The following SIPA1L2 variants were observed in gnomAD, a reference collection of about 807,000 sequenced individuals.
SIPA1L2 encodes the protein signal induced proliferation associated 1 like 2, also known as signal-induced proliferation-associated 1-like protein 2.
In SIPA1L2, 56 loss-of-function variants were observed where a neutral mutation model predicts 163.9. The ratio of observed to expected loss-of-function variants is 0.34; its 90% CI spans 0.28 to 0.43. SIPA1L2 has a LOEUF of 0.43. Ranked by LOEUF, SIPA1L2 falls within the 20% of genes least tolerant of loss-of-function variation. The pLI, the probability that SIPA1L2 is intolerant of heterozygous loss-of-function variation, is 1.00. For missense variants in SIPA1L2, 1,974 were observed against 2,193.5 expected, an observed-to-expected ratio of 0.90 and a Z score of 2.00; for synonymous variants, 877 against 865.7, an observed-to-expected ratio of 1.01 and a Z score of -0.23.
rs367748534 is a variant in SIPA1L2, at chr1:232,514,228, G to A, written c.1112C>T (p.Thr371Met). Residue 371 changes from threonine (T) to methionine (M), a missense_variant, in exon 3 of 23, where the codon ACG (threonine) becomes ATG (methionine). By Grantham distance (81) the Thr-to-Met change is moderately conservative (BLOSUM62 -1). Coordinates refer to ENST00000674635, the MANE Select transcript of SIPA1L2 (RefSeq NM_020808.5). ...ASAASQTQMP[T>M]GQTGNCESPL... ...GGACTCACAGTTGCCTGTCTGGCCC[G>A]TAGGCATCTGAGTCTGGGATGCTGC... 1.2e-4 allele frequency: 190 copies of A among 1,614,074 alleles called. 1 individual carries two copies. The highest frequency in any genetic ancestry group is 3.8e-4 in the South Asian group (35 of 91,084).
intron 1 of SIPA1L2, among the ~76,000 whole-genome samples, chr1:232,599,844 T>C (rs181806235): frequency 6.6e-6 from 1 of 152,356 alleles, no homozygotes; most frequent in African/African-American, 2.4e-5. Context: ...AAGTGCATGC[T>C]CGAAAGTATT....
intron 3 of SIPA1L2, among the ~76,000 whole-genome samples, chr1:232,499,436 T>C (rs1666355417): frequency 6.6e-6 from 1 of 152,182 alleles, no homozygotes; most frequent in Admixed American, 6.5e-5. Context: ...CAAAAGCAGT[T>C]ACAACACTCC....
At chr1:232,521,778 C>A (rs76120370) in intron 2 of SIPA1L2, among the ~76,000 whole-genome samples, 2,315 of 152,284 alleles carry the variant, frequency 0.015, 64 homozygotes, top group African/African-American at 0.053. Flanking sequence ...TCTTTAAATG[C>A]TGATGTTTTT....
At chr1:232,409,246 T>C (rs1325582794) in intron 19 of SIPA1L2, among the ~76,000 whole-genome samples, 2 of 152,234 alleles carry the variant, frequency 1.3e-5, no homozygotes, top group Admixed American at 1.3e-4. Context: ...CACCGTCATC[T>C]TTACTATGAA....
At chr1:232,577,529 G>T (rs2102794596) in intron 1 of SIPA1L2, among the ~76,000 whole-genome samples, 1 of 152,226 alleles carries the variant, frequency 6.6e-6, no homozygotes, top group Non-Finnish European at 1.5e-5. Flanking sequence ...TCCTCTGGTG[G>T]ATCTGGGCAA....
intron 10 of SIPA1L2, among the ~76,000 whole-genome samples, chr1:232,460,387 G>A (rs1664168067): frequency 1.3e-5 from 2 of 152,068 alleles, no homozygotes; most frequent in Admixed American, 1.3e-4. Flanking sequence ...CTTCAATTGA[G>A]AATGGAGTAT....
intron 2 of SIPA1L2, among the ~76,000 whole-genome samples, chr1:232,533,264 T>C (rs2103088639): frequency 6.6e-6 from 1 of 152,284 alleles, no homozygotes; most frequent in East Asian, 1.9e-4. Context: ...AAAAAATAAT[T>C]TGGAAAATAT....
At chr1:232,504,451 G>A (rs1179790544) in intron 3 of SIPA1L2, among the ~76,000 whole-genome samples, 2 of 151,238 alleles carry the variant, frequency 1.3e-5, no homozygotes, top group African/African-American at 2.4e-5. Context: ...GGCACGAGAA[G>A]TGCATGAACC....
chr1:232,573,704 G>C (rs1659930477), intron 2 of SIPA1L2, among the ~76,000 whole-genome samples: 1 of 152,038 alleles, frequency 6.6e-6, no homozygotes, highest in East Asian at 1.9e-4. Flanking sequence ...GGCAGAGCAG[G>C]CTGGACTTGC....
In SIPA1L2 at chr1:232,399,050, A is replaced by C; in HGVS notation, c.*77T>G. ...AACATCTACGATTGGTTGAAAGCAC[A>C]CAGAAAAACCACATGTTTGTGACTT... On this transcript the variant is annotated 3_prime_UTR_variant, in exon 23 of 23. Coordinates refer to ENST00000674635, the MANE Select transcript of SIPA1L2 (RefSeq NM_020808.5). 6 of 1,593,488 alleles carry C rather than the reference A, an allele frequency of 3.8e-6. 1 individual carries two copies. The highest frequency in any genetic ancestry group is 5.1e-6 in the Non-Finnish European group (6 of 1,166,954).
At chr1:232,539,242 C>T (rs187440349) in intron 2 of SIPA1L2, among the ~76,000 whole-genome samples, 35 of 152,324 alleles carry the variant, frequency 2.3e-4, no homozygotes, top group African/African-American at 6.7e-4. Context: ...TTATCTAGGG[C>T]TTCTTGGTAA....
intron 2 of SIPA1L2, among the ~76,000 whole-genome samples, chr1:232,522,354 T>C (rs1425725435): frequency 6.6e-6 from 1 of 152,124 alleles, no homozygotes; most frequent in Non-Finnish European, 1.5e-5. Flanking sequence ...GTACATGCAC[T>C]ACCTCTGCCC....
At chr1:232,449,132 G>A (rs1335711658) in intron 10 of SIPA1L2, among the ~76,000 whole-genome samples, 1 of 152,054 alleles carries the variant, frequency 6.6e-6, no homozygotes, top group East Asian at 1.9e-4. Flanking sequence ...AAGAAGAGGT[G>A]GAACTTATGA....
chr1:232,534,091 GA>G (rs199652815), intron 2 of SIPA1L2, among the ~76,000 whole-genome samples: 1 of 151,268 alleles, frequency 6.6e-6, no homozygotes, highest in African/African-American at 2.4e-5. Context: ...AAACAATCTT[GA>G]AAAAAAAGAA....
At chr1:232,541,499 T>C (rs16857597) in intron 2 of SIPA1L2, among the ~76,000 whole-genome samples, 8,164 of 152,182 alleles carry the variant, frequency 0.054, 690 homozygotes, top group African/African-American at 0.18. Flanking sequence ...ATGAACCAGA[T>C]AGATAATTTA....
chr1:232,528,911 G>A (rs148525377), intron 2 of SIPA1L2, among the ~76,000 whole-genome samples: 66 of 152,292 alleles, frequency 4.3e-4, no homozygotes, highest in African/African-American at 1.4e-3. Context: ...AGAGCACTGT[G>A]TGGTGTTTTG....
chr1:232,447,516 C>T (rs1490899938), intron 10 of SIPA1L2, among the ~76,000 whole-genome samples: 2 of 152,272 alleles, frequency 1.3e-5, no homozygotes, highest in South Asian at 4.1e-4. Flanking sequence ...GTGCTCTGCA[C>T]AGATGCCCCG....
At chr1:232,544,238 G>A (rs886385742) in intron 2 of SIPA1L2, among the ~76,000 whole-genome samples, 4 of 152,062 alleles carry the variant, frequency 2.6e-5, no homozygotes, top group Non-Finnish European at 5.9e-5. Flanking sequence ...TGTTTTACAC[G>A]ATTTAATGGC....
intron 3 of SIPA1L2, among the ~76,000 whole-genome samples, chr1:232,501,853 G>C (rs1666497859): frequency 6.6e-6 from 1 of 152,184 alleles, no homozygotes; most frequent in African/African-American, 2.4e-5. Context: ...GGACGCAGGA[G>C]GCCGGCTCTC....
Sources: gnomAD v4.1 joint callset for allele counts (sites outside exome capture counted in the v4.1 genomes callset) on GRCh38, gnomAD v4.1.1 for gene constraint, MANE v1.5 for transcripts, NCBI Gene and HGNC (gene_info 2026-07-23, HGNC 2026-07-21) for gene names.